Variants in EARS2 observed in about 807,000 individuals in gnomAD.
EARS2 encodes nondiscriminating glutamyl-tRNA synthetase EARS2, mitochondrial.
EARS2 carries 50 observed loss-of-function variants against 54.1 expected under a neutral mutation model. The ratio of observed to expected loss-of-function variants is 0.92; its 90% CI spans 0.74 to 1.17. The LOEUF (loss-of-function observed/expected upper bound fraction) is 1.17. Ranked by LOEUF, EARS2 falls within the 50% of genes most tolerant of loss-of-function variation. The pLI, the probability that EARS2 is intolerant of heterozygous loss-of-function variation, is 0.00. For missense variants in EARS2, 673 were observed against 675.0 expected, an observed-to-expected ratio of 1.00 and a Z score of 0.03; for synonymous variants, 298 against 281.0, an observed-to-expected ratio of 1.06 and a Z score of -0.61.
At chr16:23,552,333 A>AG in intron 1 of EARS2, 29 bp from the exon 2 acceptor site, 3 of 1,609,732 alleles carry the variant, frequency 1.9e-6, no homozygotes, top group Non-Finnish European at 2.5e-6. Context: ...CAGATAAGAC[A>AG]GGGAAGATAA....
intron 2 of EARS2, among the ~76,000 whole-genome samples, chr16:23,548,269 A>G (rs534215232): frequency 6.7e-6 from 1 of 150,172 alleles, no homozygotes; most frequent in African/African-American, 2.5e-5. Flanking sequence ...ATAAATAAAT[A>G]AATAAAATGA....
intron 2 of EARS2, chr16:23,545,272 C>G (rs75509471): frequency 0.026 from 3,920 of 152,128 alleles, 91 homozygotes; most frequent in Admixed American, 0.069. Flanking sequence ...TGTATGTCCT[C>G]TCAATCCCTG....
chr16:23,549,263 T>C (rs1363162310), intron 2 of EARS2, among the ~76,000 whole-genome samples: 2 of 152,034 alleles, frequency 1.3e-5, no homozygotes, highest in African/African-American at 4.8e-5. Context: ...CTGATGGTAT[T>C]TCCCAAGTTT....
At chr16:23,531,959 G>A (rs138714735) in intron 5 of EARS2, among the ~76,000 whole-genome samples, 1 of 152,292 alleles carries the variant, frequency 6.6e-6, no homozygotes, top group East Asian at 1.9e-4. Context: ...GGGACTACAA[G>A]CATGTGCCAT....
At chr16:23,554,632 G>C (rs1330309953) in intron 1 of EARS2, among the ~76,000 whole-genome samples, 1 of 152,190 alleles carries the variant, frequency 6.6e-6, no homozygotes, top group African/African-American at 2.4e-5. Context: ...CCTTCGGATA[G>C]TTACTGCAAG....
intron 2 of EARS2, among the ~76,000 whole-genome samples, chr16:23,545,701 A>G (rs1965592154): frequency 6.6e-6 from 1 of 152,108 alleles, no homozygotes; most frequent in South Asian, 2.1e-4. Flanking sequence ...GTCTCACTCT[A>G]TCACCCAGCT....
chr16:23,552,353 C>T, intron 1 of EARS2, 49 bp from the exon 2 acceptor site: 1 of 1,595,078 alleles, frequency 6.3e-7, no homozygotes. Context: ...AGCTAATAGG[C>T]CTCAGCAAGG....
At chr16:23,527,537 A>G (rs1189870265) in intron 7 of EARS2, among the ~76,000 whole-genome samples, 3 of 149,122 alleles carry the variant, frequency 2.0e-5, no homozygotes, top group Non-Finnish European at 4.4e-5. Flanking sequence ...AATTTCAGAC[A>G]AGAGTGATCG....
chr16:23,545,352 G>A (rs1030295664), intron 2 of EARS2: 2 of 152,050 alleles, frequency 1.3e-5, no homozygotes, highest in African/African-American at 4.8e-5. Flanking sequence ...AAAAAGCATG[G>A]TTCAGAGAAC....
chr16:23,553,497 C>T (rs1965729246), intron 1 of EARS2, among the ~76,000 whole-genome samples: 1 of 152,024 alleles, frequency 6.6e-6, no homozygotes, highest in East Asian at 1.9e-4. Flanking sequence ...TAGCTCACAC[C>T]TCTAATCCCA....
In EARS2 at chr16:23,529,938, C is replaced by T. The variant is rs1282680695; in HGVS notation, c.1068-41G>A. 1.9e-6 allele frequency: 3 copies of T among 1,605,128 alleles called. No homozygotes were observed. The African/African-American group carries it at 4.0e-5, about 21-fold the overall frequency. ...AGGGGCTGCCCTGCTGTCAACACCC[C>T]AACCCACCCAAACCGTCTCTCCCCC... On this transcript the variant is annotated intron_variant, in intron 5 of 8. Coordinates refer to ENST00000449606, the MANE Select transcript of EARS2 (RefSeq NM_001083614.2).
chr16:23,526,110 CTT>C (rs55859005), intron 7 of EARS2, among the ~76,000 whole-genome samples: 12,879 of 119,626 alleles, frequency 0.11, 1,088 homozygotes, highest in African/African-American at 0.28. Context: ...GAAATATTAC[CTT>C]TTTTTTTTTT....
chr16:23,525,513 T>C, intron 7 of EARS2, 134 bp from the exon 8 acceptor site: 1 of 1,059,022 alleles, frequency 9.4e-7, no homozygotes, highest in Admixed American at 2.6e-5. Flanking sequence ...TTGAGGGAGG[T>C]GAGGAAGATA....
chr16:23,557,357 G>T (rs1057523044), upstream of EARS2: 2 of 1,539,190 alleles, frequency 1.3e-6, no homozygotes, highest in Admixed American at 3.9e-5. Context: ...GGATGGAATA[G>T]CACACGTGGG....
At chr16:23,552,587 T>C (rs565767015) in intron 1 of EARS2, among the ~76,000 whole-genome samples, 1 of 152,280 alleles carries the variant, frequency 6.6e-6, no homozygotes, top group South Asian at 2.1e-4. Flanking sequence ...GCCTCTTGTG[T>C]TTAAGCAATT....
chr16:23,541,839 G>A (rs1189950366), intron 3 of EARS2, among the ~76,000 whole-genome samples: 2 of 150,458 alleles, frequency 1.3e-5, no homozygotes, highest in African/African-American at 4.9e-5. Flanking sequence ...GATTACAGGC[G>A]TGCACCACCA....
At chr16:23,534,069 A>G (rs184347763) in intron 4 of EARS2, among the ~76,000 whole-genome samples, 1,684 of 142,272 alleles carry the variant, frequency 0.012, 30 homozygotes, top group African/African-American at 0.041. Context: ...AAAAAAAAAA[A>G]GTTAAGAACC....
At position 23,557,269 on chromosome 16, in the gene EARS2, G is replaced by C; in HGVS notation, c.75C>G (p.Arg25=). ...SAASGRPVGR[R]EANLGTDAGV... ...CGGCATCAGTGCCCAGGTTGGCCTC[G>C]CGCCGTCCTACGGGGCGGCCAGAGG... The change falls in exon 1 of 9, where the codon CGC becomes CGG. Residue 25 remains arginine (R), a synonymous_variant. Coordinates refer to ENST00000449606, the MANE Select transcript of EARS2 (RefSeq NM_001083614.2). 3 of 1,522,700 alleles carry C rather than the reference G, an allele frequency of 2.0e-6. No homozygotes were observed. Among genetic ancestry groups the C allele is most frequent in the African/African-American group, 1.4e-5 (1 of 72,222 alleles). 94.3% of individuals were successfully genotyped at this position (1,522,700 alleles called of 1,614,324 possible). A position where few individuals can be genotyped will look rare whatever the true frequency, so the allele number is the denominator to read the frequency against.
intron 3 of EARS2, among the ~76,000 whole-genome samples, chr16:23,542,372 C>T (rs1267251636): frequency 1.6e-5 from 2 of 125,730 alleles, no homozygotes; most frequent in Non-Finnish European, 1.6e-5. Flanking sequence ...GGCTGGAGTG[C>T]AGTGGTGCAG....
Sources: allele counts gnomAD v4.1 joint callset (sites outside exome capture counted in the v4.1 genomes callset), GRCh38; gene constraint gnomAD v4.1.1; transcripts MANE v1.5; gene names NCBI Gene and HGNC (gene_info 2026-07-23, HGNC 2026-07-21).